The following GRM4 variants were observed in gnomAD, a reference collection of about 807,000 sequenced individuals.
GRM4 encodes the protein metabotropic glutamate receptor 4.
In GRM4, 28 loss-of-function variants were observed where a neutral mutation model predicts 81.7. The ratio of observed to expected loss-of-function variants is 0.34; its 90% confidence interval spans 0.25 to 0.47. The LOEUF (loss-of-function observed/expected upper bound fraction) is 0.47. Ranked by LOEUF, GRM4 falls within the 20% of genes least tolerant of loss-of-function variation. GRM4 has a pLI of 1.00. For synonymous variants in GRM4, 488 were observed against 528.8 expected, an observed-to-expected ratio of 0.92 and a Z score of 1.06; for missense variants, 948 against 1,290.0, an observed-to-expected ratio of 0.73 and a Z score of 4.06.
upstream of GRM4, among the ~76,000 whole-genome samples, chr6:34,147,808 T>G (rs866790185): frequency 8.5e-5 from 13 of 152,138 alleles, no homozygotes; most frequent in African/African-American, 2.7e-4. Flanking sequence ...AATGAAATAA[T>G]GTATGCCCAG....
intron 1 of GRM4, among the ~76,000 whole-genome samples, chr6:34,137,917 C>G (rs1382849622): frequency 1.3e-5 from 2 of 152,026 alleles, no homozygotes; most frequent in Non-Finnish European, 2.9e-5. Flanking sequence ...ATAATATTAA[C>G]AAGCAGGACC....
chr6:34,035,661 C>T lies in GRM4; in HGVS notation c.2442+7G>A, dbSNP rs779123512. 1.4e-5 allele frequency: 22 copies of T among 1,553,024 alleles called. 1 individual carries two copies. The South Asian group carries it at 2.6e-4, about 19-fold the overall frequency. ...CCCACCGTCCACCCCCGGCCCCCACCACTCACCTTGTCGGCCGACTGCGAG... is the reference window on the plus strand; with the variant it reads ...CCCACCGTCCACCCCCGGCCCCCACTACTCACCTTGTCGGCCGACTGCGAG... On this transcript the variant is annotated splice_region_variant and intron_variant, in intron 9 of 10. Transcript: ENST00000538487. This position sits in a 1 kb window ranked among gnomAD's most constrained non-coding sequence, Gnocchi z 6.6.
At chr6:34,119,402 A>AG (rs1769713228) in intron 2 of GRM4, among the ~76,000 whole-genome samples, 1 of 108,900 alleles carries the variant, frequency 9.2e-6, no homozygotes, top group African/African-American at 3.7e-5. Flanking sequence ...TGAAAGAAAG[A>AG]AAGAGAGAGA....
rs370141540 is a variant in GRM4 at position 34,080,586 on chromosome 6, G to A, written c.736+11297C>T. On this transcript the variant is annotated intron_variant, in intron 3 of 10. Transcript: ENST00000538487. The surrounding 1 kb of genome is among the most constrained non-coding windows in gnomAD (Gnocchi z 5.4). Reference sequence around the variant, plus strand: ...AGGGCAGAAGGAAAAAAATGGCCACGCCCCTCCTCACCAGCCATACCCCTG... The same window carrying A: ...AGGGCAGAAGGAAAAAAATGGCCACACCCCTCCTCACCAGCCATACCCCTG... 3.2e-3 allele frequency among the ~76,000 whole-genome samples: 494 copies of A among 152,166 alleles called. 1 individual carries two copies. The highest frequency in any genetic ancestry group is 0.016 in the South Asian group (79 of 4,818).
chr6:34,052,562 G>A (rs1306212718), intron 6 of GRM4, among the ~76,000 whole-genome samples: 2 of 152,222 alleles, frequency 1.3e-5, no homozygotes, highest in Admixed American at 1.3e-4. Flanking sequence ...CTTGAGCAGG[G>A]CAGGCCTGTG....
rs34256571 is a variant in GRM4 at position 34,070,792 on chromosome 6, C to CCACACACA, written c.737-8772_737-8765dup. Among the ~76,000 whole-genome samples the CCACACACA allele has an allele frequency of 1.2e-3, 159 of 135,488 alleles. No individual in the cohort carries two copies. Among genetic ancestry groups the CCACACACA allele is most frequent in the African/African-American group, 2.6e-3 (91 of 35,582 alleles). 88.9% of individuals were successfully genotyped at this position (135,488 alleles called of 152,430 possible). ...CACCACACCCCCGCCACACCCCCAG[C>CCACACACA]CACACACACACACACACACACACAC... is the stretch of plus-strand genomic sequence containing the variant. On this transcript the variant is annotated intron_variant, in intron 3 of 10. Transcript: ENST00000538487. This position sits in a 1 kb window ranked among gnomAD's most constrained non-coding sequence, Gnocchi z 4.6.
At chr6:34,040,108 C>T (rs1351640508) in intron 8 of GRM4, 70 bp downstream of exon 8, 4 of 1,506,288 alleles carry the variant, frequency 2.7e-6, no homozygotes, top group Non-Finnish European at 3.7e-6. Context: ...GCAGCCTCCC[C>T]TTGGGCCCCC....
chr6:34,026,005 C>T (rs1037700781), intron 10 of GRM4, among the ~76,000 whole-genome samples: 8 of 152,136 alleles, frequency 5.3e-5, no homozygotes, highest in Non-Finnish European at 7.4e-5. Flanking sequence ...CGAGCCCACC[C>T]GGTGCTGACA....
chr6:34,136,387 A>G lies in GRM4; in HGVS notation c.-363-2528T>C, dbSNP rs1025060024. ...AATTTCAAACAGAGGGCTTTTTGGCATCATGACAGGCTGTGTGCTGGGGCT... is the reference window on the plus strand; with the variant it reads ...AATTTCAAACAGAGGGCTTTTTGGCGTCATGACAGGCTGTGTGCTGGGGCT... On this transcript the variant is annotated intron_variant, in intron 1 of 10. Transcript: ENST00000538487. This position sits in a 1 kb window ranked among gnomAD's most constrained non-coding sequence, Gnocchi z 4.1. Among the ~76,000 whole-genome samples the G allele has an allele frequency of 6.6e-6, 1 of 152,092 alleles. No homozygotes were observed. Among genetic ancestry groups the G allele is most frequent in the African/African-American group, 2.4e-5 (1 of 41,416 alleles).
chr6:34,022,991 A>G lies in GRM4; in HGVS notation c.2690-121T>C, dbSNP rs1013422035. 9 of 799,968 alleles carry G rather than the reference A, an allele frequency of 1.1e-5. No individual in the cohort carries two copies. The highest frequency in any genetic ancestry group is 1.1e-4 in the Admixed American group (6 of 53,414). The allele number at this position is 799,968 out of a possible 1,614,324, so 49.6% of individuals were successfully genotyped here. Reference sequence around the variant, plus strand: ...TAGCTCCCCGCCTCTCATGGCATCCAGTCCTGAGCTGAGCAATCGACACTG... The same window carrying G: ...TAGCTCCCCGCCTCTCATGGCATCCGGTCCTGAGCTGAGCAATCGACACTG... On this transcript the variant is annotated intron_variant, in intron 10 of 10. Transcript: ENST00000538487. The surrounding 1 kb of genome is among the most constrained non-coding windows in gnomAD (Gnocchi z 5.6).
rs1284870257 is a variant in GRM4, at chr6:34,130,384, G to A, written c.519+2594C>T. On this transcript the variant is annotated intron_variant, in intron 2 of 10. Transcript: ENST00000538487. The surrounding 1 kb of genome is among the most constrained non-coding windows in gnomAD (Gnocchi z 4.1). The stretch of plus-strand genomic sequence containing the variant: ...TGCCTTGCTCTCTGTGCAGCCTGAG[G>A]GGCTCCTGACCCCTGCCCCAACCAC... Among the ~76,000 whole-genome samples the A allele has an allele frequency of 6.6e-6, 1 of 152,064 alleles. No individual in the cohort carries two copies. Among genetic ancestry groups the A allele is most frequent in the Non-Finnish European group, 1.5e-5 (1 of 68,000 alleles).
intron 2 of GRM4, among the ~76,000 whole-genome samples, chr6:34,124,885 T>C (rs970477467): frequency 6.6e-6 from 1 of 151,998 alleles, no homozygotes; most frequent in Non-Finnish European, 1.5e-5. Flanking sequence ...CATAATGCCA[T>C]GCATCACATC....
intron 1 of GRM4, among the ~76,000 whole-genome samples, chr6:34,153,555 G>A (rs149865926): frequency 8.5e-5 from 13 of 152,352 alleles, no homozygotes; most frequent in East Asian, 1.9e-4. Context: ...AGCTGTGAGC[G>A]GGGAGAACAG....
At chr6:34,072,784 CCAA>C in intron 3 of GRM4, among the ~76,000 whole-genome samples, 1 of 29,254 alleles carries the variant, frequency 3.4e-5, no homozygotes, top group East Asian at 1.1e-3. Flanking sequence ...ACACACAGAC[CCAA>C]ACACATCACC....
intron 1 of GRM4, among the ~76,000 whole-genome samples, chr6:34,138,602 G>A (rs980977169): frequency 2.0e-5 from 3 of 152,228 alleles, no homozygotes; most frequent in Non-Finnish European, 4.4e-5. Flanking sequence ...CCCACTGGCT[G>A]GGCAGAGGTG....
rs933645575 is a variant in GRM4 at position 34,036,700 on chromosome 6, A to G, written c.1507-97T>C. ...GTGGCACCTTGTAGCCCCACACTCAAATCACCCAGCTAGTTGGCTAAAAGT... is the reference window on the plus strand; with the variant it reads ...GTGGCACCTTGTAGCCCCACACTCAGATCACCCAGCTAGTTGGCTAAAAGT... On this transcript the variant is annotated intron_variant, in intron 8 of 10. Transcript: ENST00000538487. This position sits in a 1 kb window ranked among gnomAD's most constrained non-coding sequence, Gnocchi z 9.0. The G allele has an allele frequency of 1.1e-5, 7 of 662,830 alleles. No homozygotes were observed. The highest frequency in any genetic ancestry group is 1.8e-5 in the African/African-American group (1 of 55,456). The allele number at this position is 662,830 out of a possible 1,614,324, so 41.1% of individuals were successfully genotyped here. A position where few individuals can be genotyped will look rare whatever the true frequency, so the allele number is the denominator to read the frequency against.
Position 34,092,818 on chromosome 6 carries a change from G to A in GRM4, c.520-719C>T, listed in dbSNP as rs375564476. Among the ~76,000 whole-genome samples the A allele has an allele frequency of 1.3e-5, 2 of 151,940 alleles. No homozygotes were observed. The highest frequency in any genetic ancestry group is 2.1e-4 in the South Asian group (1 of 4,820). ...CTTTCCAGTCACGGGGCATCTTCCC[G>A]CCTCCACAGGCCCCACCTGGACCCT... On this transcript the variant is annotated intron_variant, in intron 2 of 10. Coordinates refer to ENST00000538487, the MANE Select transcript of GRM4 (RefSeq NM_000841.4). The surrounding 1 kb of genome is among the most constrained non-coding windows in gnomAD (Gnocchi z 6.8).
At chr6:34,145,130 GT>G (rs1188537996) in intron 1 of GRM4, among the ~76,000 whole-genome samples, 2 of 151,998 alleles carry the variant, frequency 1.3e-5, no homozygotes, top group Non-Finnish European at 2.9e-5. Flanking sequence ...GGTCGGCTGC[GT>G]GCCGGCCTGC....
At chr6:34,128,835 A>G (rs1401997770) in intron 2 of GRM4, among the ~76,000 whole-genome samples, 1 of 152,138 alleles carries the variant, frequency 6.6e-6, no homozygotes, top group Non-Finnish European at 1.5e-5. Flanking sequence ...GCTTACCCCC[A>G]TGCTGTGCAG....
Sources: allele counts gnomAD v4.1 joint callset (sites outside exome capture counted in the v4.1 genomes callset), GRCh38; gene constraint gnomAD v4.1.1; non-coding constraint Gnocchi (gnomAD v3.1); transcripts MANE v1.5; gene names NCBI Gene and HGNC (gene_info 2026-07-23, HGNC 2026-07-21).